The following PHF24 variants were observed in gnomAD, a reference collection of about 807,000 sequenced individuals.
The protein encoded by PHF24 is PHD finger protein 24.
A neutral mutation model predicts 42.6 loss-of-function variants in PHF24; 25 were observed. The ratio of observed to expected loss-of-function variants is 0.59; its 90% CI spans 0.43 to 0.82. The LOEUF (loss-of-function observed/expected upper bound fraction) is 0.82, where lower values mean the gene tolerates loss of function less well. Ranked by LOEUF, PHF24 falls within the 40% of genes least tolerant of loss-of-function variation. The probability of loss-of-function intolerance (pLI) is 0.00; values close to 1 mark genes in which losing one functional copy is unlikely to be tolerated. For missense variants in PHF24, 470 were observed against 538.1 expected (o/e 0.87, Z 1.25); for synonymous variants, 185 against 204.8 (o/e 0.90, Z 0.83).
the PHF24 span, chr9:34,725,016 T>A: frequency 7.1e-6 from 11 of 1,551,916 alleles, no homozygotes; most frequent in African/African-American, 1.4e-5. Flanking sequence ...TCAAGGGCCG[T>A]TGGCATCCAG....
At chr9:34,693,897 C>G in the PHF24 span, among the ~76,000 whole-genome samples, 1 of 151,872 alleles carries the variant, frequency 6.6e-6, no homozygotes, top group Admixed American at 6.6e-5. Context: ...TTTGTTTTTT[C>G]TTTCTCCCTT....
the PHF24 span, chr9:34,893,010 G>T: frequency 1.2e-6 from 1 of 833,194 alleles, no homozygotes; most frequent in Non-Finnish European, 2.0e-6. Flanking sequence ...CCCTGTGATG[G>T]CCCCAGTGAA....
the PHF24 span, among the ~76,000 whole-genome samples, chr9:34,899,358 G>A: frequency 7.9e-5 from 12 of 152,144 alleles, no homozygotes; most frequent in Non-Finnish European, 1.6e-4. Context: ...ATTTCTTCAA[G>A]GAACTGTTCA....
chr9:34,823,800 GC>G, the PHF24 span, among the ~76,000 whole-genome samples: 1 of 152,140 alleles, frequency 6.6e-6, no homozygotes. Context: ...CACTGAGGCA[GC>G]CGAGAAGAGA....
At chr9:34,796,422 T>A in the PHF24 span, among the ~76,000 whole-genome samples, 46 of 150,904 alleles carry the variant, frequency 3.0e-4, no homozygotes, top group African/African-American at 3.9e-4. Context: ...TTAAAAAATT[T>A]AAAAAAAAAC....
At chr9:34,838,260 G>C in the PHF24 span, 1 of 657,336 alleles carries the variant, frequency 1.5e-6, no homozygotes, top group Non-Finnish European at 2.8e-6. Flanking sequence ...GGGGAGAGGG[G>C]AAGTGGGGTC....
the PHF24 span, among the ~76,000 whole-genome samples, chr9:34,845,440 G>A: frequency 6.6e-6 from 1 of 151,940 alleles, no homozygotes; most frequent in African/African-American, 2.4e-5. Flanking sequence ...GAGGTTAGAT[G>A]ATTTTCTCTA....
the PHF24 span, among the ~76,000 whole-genome samples, chr9:34,778,360 C>T: frequency 2.0e-5 from 3 of 152,044 alleles, no homozygotes; most frequent in Non-Finnish European, 4.4e-5. Context: ...TGAGATCCTG[C>T]CTCATGATGT....
chr9:34,832,643 C>T, the PHF24 span: 3 of 1,540,276 alleles, frequency 1.9e-6, no homozygotes, highest in Non-Finnish European at 1.8e-6. Context: ...GGTTAATACA[C>T]TCCAGAAAAC....
At chr9:34,784,069 A>G in the PHF24 span, among the ~76,000 whole-genome samples, 1 of 152,236 alleles carries the variant, frequency 6.6e-6, no homozygotes. Flanking sequence ...TGCTCGAGTC[A>G]GTGCCAGAGT....
At chr9:34,841,665 C>T in the PHF24 span, among the ~76,000 whole-genome samples, 7 of 152,102 alleles carry the variant, frequency 4.6e-5, no homozygotes, top group Admixed American at 2.0e-4. Context: ...TAAGACTAGC[C>T]TGTCAAACAT....
the PHF24 span, among the ~76,000 whole-genome samples, chr9:34,766,504 G>T: frequency 8.5e-5 from 13 of 152,108 alleles, no homozygotes; most frequent in Non-Finnish European, 1.8e-4. Flanking sequence ...AGCTCCTGAG[G>T]CTTCTGCATT....
chr9:34,866,356 T>C, the PHF24 span, among the ~76,000 whole-genome samples: 1 of 152,168 alleles, frequency 6.6e-6, no homozygotes. Flanking sequence ...GTGGAATAAT[T>C]TTTCTTCATC....
the PHF24 span, among the ~76,000 whole-genome samples, chr9:34,858,982 C>G: frequency 1.3e-5 from 2 of 152,140 alleles, no homozygotes; most frequent in Non-Finnish European, 2.9e-5. Context: ...TAAGCATGAT[C>G]TACTTAGTTT....
At chr9:34,918,460 C>T in the PHF24 span, among the ~76,000 whole-genome samples, 1 of 150,632 alleles carries the variant, frequency 6.6e-6, no homozygotes, top group East Asian at 1.9e-4. Flanking sequence ...ATGATTGAAG[C>T]GTTCATACCT....
the PHF24 span, among the ~76,000 whole-genome samples, chr9:34,670,968 C>T: frequency 6.6e-6 from 1 of 152,188 alleles, no homozygotes; most frequent in Non-Finnish European, 1.5e-5. Flanking sequence ...AGATCCATTC[C>T]TCCCTTGGAA....
chr9:34,927,725 G>C, the PHF24 span, among the ~76,000 whole-genome samples: 1 of 151,982 alleles, frequency 6.6e-6, no homozygotes, highest in African/African-American at 2.4e-5. Flanking sequence ...CTGGATTTCT[G>C]ATCACCACAG....
chr9:34,723,459 C>T, the PHF24 span: 10 of 1,551,830 alleles, frequency 6.4e-6, no homozygotes, highest in Non-Finnish European at 8.7e-6. Context: ...CTTCTCCCCA[C>T]AGGGCTCTTG....
the PHF24 span, among the ~76,000 whole-genome samples, chr9:34,670,616 G>A: frequency 6.6e-6 from 1 of 152,140 alleles, no homozygotes; most frequent in Non-Finnish European, 1.5e-5. Context: ...TTGGACAAGG[G>A]GAGGAGAGTT....
Sources: gnomAD v4.1 joint callset for allele counts (sites outside exome capture counted in the v4.1 genomes callset) on GRCh38, gnomAD v4.1.1 for gene constraint, MANE v1.5 for transcripts, NCBI Gene and HGNC (gene_info 2026-07-23, HGNC 2026-07-21) for gene names.